The following SMG1 variants were observed in gnomAD, a reference collection of about 807,000 sequenced individuals.
SMG1 encodes the protein serine/threonine-protein kinase SMG1.
A neutral mutation model predicts 419.9 loss-of-function variants in SMG1; 22 were observed. That is an observed-to-expected ratio of 0.05 (90% CI 0.04 to 0.07). The LOEUF (loss-of-function observed/expected upper bound fraction) is 0.07, where lower values mean the gene tolerates loss of function less well. Ranked by LOEUF, SMG1 falls within the 10% of genes least tolerant of loss-of-function variation. SMG1 has a pLI of 1.00. For synonymous variants in SMG1, 1,538 were observed against 1,553.5 expected, an observed-to-expected ratio of 0.99 and a Z score of 0.23; for missense variants, 3,185 against 4,342.0, an observed-to-expected ratio of 0.73 and a Z score of 7.49.
At chr16:18,832,745 T>C (rs1433205564) in intron 51 of SMG1, among the ~76,000 whole-genome samples, 195 bp downstream of exon 51, 2 of 152,202 alleles carry the variant, frequency 1.3e-5, no homozygotes, top group Non-Finnish European at 2.9e-5. Flanking sequence ...CCTGCACTTT[T>C]TTTTTAAGCA....
At chr16:18,866,566 C>G in intron 23 of SMG1, 55 bp downstream of exon 23, 2 of 1,533,770 alleles carry the variant, frequency 1.3e-6, no homozygotes, top group Non-Finnish European at 1.8e-6. Context: ...GTGAGTAATA[C>G]ACAGAACTTA....
chr16:18,829,102 T>C (rs986238592), intron 54 of SMG1, among the ~76,000 whole-genome samples, 184 bp downstream of exon 54: 3 of 152,078 alleles, frequency 2.0e-5, no homozygotes, highest in Non-Finnish European at 4.4e-5. Flanking sequence ...TGATCTCAAC[T>C]ATACAGAAGA....
At chr16:18,856,704 T>C (rs1005695106) in intron 29 of SMG1, 1 of 152,202 alleles carries the variant, frequency 6.6e-6, no homozygotes, top group African/African-American at 2.4e-5. Context: ...GTCACCGTGT[T>C]TGATGTCAGT....
At chr16:18,849,437 T>C in intron 35 of SMG1, 59 bp from the exon 36 acceptor site, 1 of 1,493,110 alleles carries the variant, frequency 6.7e-7, no homozygotes, top group Non-Finnish European at 9.2e-7. Context: ...GAAGAAACTA[T>C]CAGCATCGTA....
Position 18,829,405 on chromosome 16 carries a change from A to G in SMG1, c.9484T>C (p.Leu3162=), listed in dbSNP as rs1239144167. 3.1e-6 allele frequency: 5 copies of G among 1,614,040 alleles called. No individual in the cohort carries two copies. Among genetic ancestry groups the G allele is most frequent in the Non-Finnish European group, 4.2e-6 (5 of 1,179,896 alleles). Residue 3162 remains leucine (L), a synonymous_variant, in exon 54 of 63, where the codon TTA becomes CTA. Coordinates refer to ENST00000446231, the MANE Select transcript of SMG1 (RefSeq NM_015092.5). The part of the protein sequence containing the change: ...SQLVMNRATV[L]ASSYDTAWKK... ...CAGGCAGTGTCGTAAGAACTTGCTA[A>G]CACAGTTGCCCTGTTCATAACCAGC...
chr16:18,885,351 T>C, intron 7 of SMG1, 189 bp from the exon 8 acceptor site: 1 of 751,196 alleles, frequency 1.3e-6, no homozygotes, highest in Admixed American at 2.4e-5. Context: ...AATGAAATAG[T>C]TTATTTTCTT....
In SMG1 at chr16:18,816,341, C is replaced by A. The variant is rs745698508; in HGVS notation, c.10263G>T (p.Gln3421His). ...TCAAGAGATGTTTGACATCTCCAAG[C>A]TGTCGGTTATGACCAGTGAGCACAG... ...IKTVLTGHNRQLGDVKHLLKA... is the reference protein window; with the variant it reads ...IKTVLTGHNRHLGDVKHLLKA... Residue 3421 changes from glutamine (Q) to histidine (H), a missense_variant, in exon 58 of 63, where the codon CAG (glutamine) becomes CAT (histidine). Physicochemically the swap from Gln to His is conservative, Grantham distance 24. Transcript: ENST00000446231. 6.2e-7 allele frequency: 1 copy of A among 1,613,932 alleles called. No homozygotes were observed. Among genetic ancestry groups the A allele is most frequent in the Non-Finnish European group, 8.5e-7 (1 of 1,179,872 alleles).
intron 1 of SMG1, among the ~76,000 whole-genome samples, chr16:18,898,300 G>A (rs2037214178): frequency 2.6e-5 from 4 of 152,038 alleles, no homozygotes; most frequent in Admixed American, 2.6e-4. Context: ...TCAAAACCTA[G>A]CATACTAAAA....
chr16:18,865,535 G>A (rs2967200), intron 23 of SMG1, among the ~76,000 whole-genome samples: 2,855 of 133,594 alleles, frequency 0.021, 95 homozygotes, highest in African/African-American at 0.11. Flanking sequence ...TAAGTGCTAC[G>A]GTACATTTAG....
intron 60 of SMG1, among the ~76,000 whole-genome samples, chr16:18,812,889 A>C (rs2031604789): frequency 1.3e-5 from 2 of 152,042 alleles, no homozygotes; most frequent in Non-Finnish European, 2.9e-5. Context: ...CTCATTGTTC[A>C]ATTCCCACCT....
intron 32 of SMG1, 33 bp downstream of exon 32, chr16:18,852,285 C>T (rs1379396814): frequency 6.2e-7 from 1 of 1,604,132 alleles, no homozygotes. Context: ...TCTATTTATG[C>T]AATGCATAAA....
chr16:18,816,522 C>T lies in SMG1; in HGVS notation c.10082G>A (p.Gly3361Asp), dbSNP rs949123279. 2 of 1,613,720 alleles carry T rather than the reference C, an allele frequency of 1.2e-6. No homozygotes were observed. Among genetic ancestry groups the T allele is most frequent in the East Asian group, 2.2e-5 (1 of 44,874 alleles). Reference sequence around the variant, plus strand: ...AGAGCTGCCAATAGGATGTTCAAGACCAGTGTCCTAAATAGAACAAGCATT... The same window carrying T: ...AGAGCTGCCAATAGGATGTTCAAGATCAGTGTCCTAAATAGAACAAGCATT... ...ELRLLQRVDT[G>D]LEHPIGSSEW... The change falls in exon 58 of 63, where the codon GGT becomes GAT. Residue 3361 changes from glycine (G) to aspartate (D), a missense_variant. Physicochemically the swap from Gly to Asp is moderately conservative, Grantham distance 94 (BLOSUM62 -1). Coordinates refer to ENST00000446231, the MANE Select transcript of SMG1 (RefSeq NM_015092.5).
intron 1 of SMG1, among the ~76,000 whole-genome samples, chr16:18,921,070 G>C (rs2038178391): frequency 6.6e-6 from 1 of 151,216 alleles, no homozygotes; most frequent in Admixed American, 6.6e-5. Flanking sequence ...CCAGGAGGTG[G>C]AGGTTACAAG....
At chr16:18,827,921 C>T in intron 55 of SMG1, 110 bp downstream of exon 55, 1 of 1,065,526 alleles carries the variant, frequency 9.4e-7, no homozygotes, top group Non-Finnish European at 1.3e-6. Context: ...TTCTGGCTTA[C>T]AAGCCAAGGA....
At position 18,812,051 on chromosome 16, in the gene SMG1, A is replaced by G; in HGVS notation, c.10698T>C (p.Asn3566=). Residue 3566 remains asparagine, a synonymous_variant, in exon 61 of 63, where the codon AAT becomes AAC. Transcript: ENST00000446231. ...SQNARKLIQK[N]LATSADTPPS... ...GTGGAGTATCAGCTGATGTAGCAAG[A>G]TTTTTTTGGATCAGCTTTCTAGCAT... 1.9e-6 allele frequency: 3 copies of G among 1,613,852 alleles called. No individual in the cohort carries two copies. The highest frequency in any genetic ancestry group is 2.5e-6 in the Non-Finnish European group (3 of 1,179,870).
chr16:18,834,527 A>T, intron 49 of SMG1, 89 bp from the exon 50 acceptor site: 1 of 1,301,860 alleles, frequency 7.7e-7, no homozygotes, highest in Non-Finnish European at 1.1e-6. Flanking sequence ...CTGTAATTCC[A>T]GCATTTTGGG....
intron 1 of SMG1, among the ~76,000 whole-genome samples, chr16:18,923,748 T>C (rs2038286529): frequency 6.6e-6 from 1 of 152,106 alleles, no homozygotes; most frequent in African/African-American, 2.4e-5. Flanking sequence ...TGAACCATAA[T>C]AAATGTGCCT....
chr16:18,896,984 G>C, intron 1 of SMG1, 28 bp from the exon 2 acceptor site: 1 of 1,427,546 alleles, frequency 7.0e-7, no homozygotes, highest in East Asian at 2.5e-5. Flanking sequence ...TTTAAGATTA[G>C]AACTTTAAAT....
rs1439209080 is a variant in SMG1, at chr16:18,868,626, T to C, written c.2927A>G (p.Asn976Ser). ...TADNDEGHGN[N>S]QLRLVLLLQY... ...CAGAAGAAGAACAAGTCTAAGTTGG[T>C]TGTTACCATGGCCTTCATCATTGTC... The change falls in exon 21 of 63, where the codon AAC becomes AGC. Residue 976 changes from asparagine to serine, a missense_variant. Transcript: ENST00000446231. 3.8e-6 allele frequency: 6 copies of C among 1,583,590 alleles called. No individual in the cohort carries two copies. The African/African-American group carries it at 6.7e-5, about 18-fold the overall frequency.
Sources: gnomAD v4.1 joint callset for allele counts (sites outside exome capture counted in the v4.1 genomes callset) on GRCh38, gnomAD v4.1.1 for gene constraint, MANE v1.5 for transcripts, NCBI Gene and HGNC (gene_info 2026-07-23, HGNC 2026-07-21) for gene names.